The following PROX1 variants were observed in gnomAD, a reference collection of about 807,000 sequenced individuals.
PROX1 encodes the protein prospero homeobox 1.
A neutral mutation model predicts 58.8 loss-of-function variants in PROX1; 7 were observed. The ratio of observed to expected loss-of-function variants is 0.12; its 90% CI spans 0.07 to 0.22. The LOEUF is 0.22. Ranked by LOEUF, PROX1 falls within the 10% of genes least tolerant of loss-of-function variation. The pLI, the probability that PROX1 is intolerant of heterozygous loss-of-function variation, is 1.00. For missense variants in PROX1, 675 were observed against 927.8 expected (o/e 0.73, Z 3.54); for synonymous variants, 350 against 358.3 (o/e 0.98, Z 0.26).
chr1:213,983,272 G>T (rs1431819151), upstream of PROX1: 1 of 152,360 alleles, frequency 6.6e-6, no homozygotes, highest in East Asian at 1.9e-4. Flanking sequence ...GTCCCGAGTC[G>T]CAGTCAGGGA....
At chr1:214,034,100 T>C (rs1252600228) in intron 4 of PROX1, among the ~76,000 whole-genome samples, 1 of 152,188 alleles carries the variant, frequency 6.6e-6, no homozygotes, top group Non-Finnish European at 1.5e-5. Flanking sequence ...AGGAGTCCCT[T>C]TCATTTTTTT....
chr1:214,009,074 A>G (rs1383222618), intron 3 of PROX1, among the ~76,000 whole-genome samples: 1 of 152,220 alleles, frequency 6.6e-6, no homozygotes, highest in African/African-American at 2.4e-5. Context: ...AGACGCTCAC[A>G]GCTTTTCAAG....
At chr1:213,986,045 TC>T (rs1464729411), upstream of PROX1, 1 of 152,208 alleles carries the variant, frequency 6.6e-6, no homozygotes, top group Non-Finnish European at 1.5e-5. Flanking sequence ...ATCCCAAGTT[TC>T]CCCGCTCAAT....
At chr1:214,034,813 T>C (rs1427069984) in intron 4 of PROX1, among the ~76,000 whole-genome samples, 2 of 152,216 alleles carry the variant, frequency 1.3e-5, no homozygotes, top group African/African-American at 4.8e-5. Context: ...TTACCCTCTC[T>C]GAGCCTCAGT....
At chr1:213,984,699 C>G (rs1440055252), upstream of PROX1, 2 of 153,528 alleles carry the variant, frequency 1.3e-5, no homozygotes, top group African/African-American at 4.8e-5. Flanking sequence ...TTCCTCTCTT[C>G]CCTTCTTCAG....
chr1:214,029,004 A>T (rs1664554249), intron 4 of PROX1: 1 of 152,232 alleles, frequency 6.6e-6, no homozygotes, highest in Non-Finnish European at 1.5e-5. Flanking sequence ...TTACTAAAGC[A>T]TCTGAGTTTA....
chr1:214,037,639 A>T lies in PROX1; in HGVS notation c.*1805A>T, dbSNP rs1664871205. 1 of 152,066 alleles carries T rather than the reference A, an allele frequency of 6.6e-6. No individual in the cohort carries two copies. Among genetic ancestry groups the T allele is most frequent in the Admixed American group, 6.6e-5 (1 of 15,264 alleles). The allele number at this position is 152,066 out of a possible 1,614,324, so 9.4% of individuals were successfully genotyped here. Reference sequence around the variant, plus strand: ...ACTAACAGGGCCTCGCAGTGTAGACAGAGGGTGCAGCCACACGGGCGGGGG... The same window carrying T: ...ACTAACAGGGCCTCGCAGTGTAGACTGAGGGTGCAGCCACACGGGCGGGGG... On this transcript the variant is annotated 3_prime_UTR_variant, in exon 5 of 5. Transcript: ENST00000366958.
chr1:214,029,859 A>G (rs1177836485), intron 4 of PROX1: 1 of 152,444 alleles, frequency 6.6e-6, no homozygotes, highest in African/African-American at 2.4e-5. Flanking sequence ...TCGGAGTTGT[A>G]AAAGCCATCT....
At chr1:214,026,061 A>T (rs577778556) in intron 4 of PROX1, among the ~76,000 whole-genome samples, 5 of 152,286 alleles carry the variant, frequency 3.3e-5, no homozygotes, top group South Asian at 2.1e-4. Context: ...TGTTTTTAAG[A>T]TCTTAACAGT....
chr1:214,016,922 G>A (rs986617515), intron 4 of PROX1, among the ~76,000 whole-genome samples: 4 of 151,978 alleles, frequency 2.6e-5, no homozygotes, highest in African/African-American at 9.7e-5. Flanking sequence ...TTTGTCATTG[G>A]GTTACATTCA....
At chr1:214,019,384 A>C (rs1319309927) in intron 4 of PROX1, among the ~76,000 whole-genome samples, 1 of 152,146 alleles carries the variant, frequency 6.6e-6, no homozygotes, top group East Asian at 1.9e-4. Flanking sequence ...GAAGACAGGG[A>C]GTTTGACTCA....
In PROX1 at chr1:213,998,166, C is replaced by G; in HGVS notation, c.1631C>G (p.Pro544Arg). Residue 544 changes from proline (P) to arginine (R), a missense_variant, in exon 2 of 5, where the codon CCC (proline) becomes CGC (arginine). Coordinates refer to ENST00000366958, the MANE Select transcript of PROX1 (RefSeq NM_001270616.2). Reference sequence around the variant, plus strand: ...CACCCTTGTTCACCAGCACACCCGCCCAGCACCGCCGAAGGGCTCTCCTTG... The same window carrying G: ...CACCCTTGTTCACCAGCACACCCGCGCAGCACCGCCGAAGGGCTCTCCTTG... ...SHHPCSPAHP[P>R]STAEGLSLSL... 1 of 1,614,166 alleles carries G rather than the reference C, an allele frequency of 6.2e-7. No homozygotes were observed. The highest frequency in any genetic ancestry group is 8.5e-7 in the Non-Finnish European group (1 of 1,180,004).
rs1282932068 is a variant in PROX1, at chr1:213,997,137, G to T, written c.602G>T (p.Arg201Leu). The T allele has an allele frequency of 6.2e-7, 1 of 1,613,514 alleles. No individual in the cohort carries two copies. Among genetic ancestry groups the T allele is most frequent in the South Asian group, 1.1e-5 (1 of 91,066 alleles). Reference sequence around the variant, plus strand: ...ATGGCCCCGCAGTCTGTGAGTCCCCGAGAAAGTTACAGAGAAAACAAACGC... The same window carrying T: ...ATGGCCCCGCAGTCTGTGAGTCCCCTAGAAAGTTACAGAGAAAACAAACGC... ...REMAPQSVSP[R>L]ESYRENKRKQ... The change falls in exon 2 of 5, where the codon CGA (arginine) becomes CTA (leucine). Residue 201 changes from arginine (R) to leucine (L), a missense_variant. Arg to Leu is a moderately radical substitution (Grantham distance 102, BLOSUM62 -2). Coordinates refer to ENST00000366958, the MANE Select transcript of PROX1 (RefSeq NM_001270616.2). This position sits in a 1 kb window ranked among gnomAD's most constrained non-coding sequence, Gnocchi z 7.1.
In PROX1 at chr1:214,039,366, T is replaced by G. The variant is rs1664931259; in HGVS notation, c.*3532T>G. The G allele has an allele frequency of 6.6e-6, 1 of 152,174 alleles. No individual in the cohort carries two copies. The highest frequency in any genetic ancestry group is 2.4e-5 in the African/African-American group (1 of 41,440). The allele number at this position is 152,174 out of a possible 1,614,324, so 9.4% of individuals were successfully genotyped here. On this transcript the variant is annotated 3_prime_UTR_variant, in exon 5 of 5. Transcript: ENST00000366958. Reference sequence around the variant, plus strand: ...AAGTTTGCTTTGTGCCTCCGAGTATTATTTAATTAAAGAAGTGTTTTATGT... The same window carrying G: ...AAGTTTGCTTTGTGCCTCCGAGTATGATTTAATTAAAGAAGTGTTTTATGT...
At chr1:214,027,729 A>G (rs140220619) in intron 4 of PROX1, among the ~76,000 whole-genome samples, 1 of 152,292 alleles carries the variant, frequency 6.6e-6, no homozygotes, top group Non-Finnish European at 1.5e-5. Flanking sequence ...TCTATTTGAC[A>G]AAGTGGCACT....
upstream of PROX1, chr1:213,985,298 G>T (rs1485708488): frequency 6.6e-6 from 1 of 152,206 alleles, no homozygotes; most frequent in Non-Finnish European, 1.5e-5. Flanking sequence ...TAGGGGGCTC[G>T]GGCCTCAAGT....
At chr1:214,000,307 GTTCA>G (rs1663453795) in intron 2 of PROX1, among the ~76,000 whole-genome samples, 1 of 152,140 alleles carries the variant, frequency 6.6e-6, no homozygotes, top group Admixed American at 6.5e-5. Flanking sequence ...TGTTGGCTAT[GTTCA>G]TTGTCTCAAC....
chr1:214,040,942 G>A lies in PROX1; in HGVS notation c.*5108G>A, dbSNP rs1664990151. On this transcript the variant is annotated 3_prime_UTR_variant, in exon 5 of 5. Coordinates refer to ENST00000366958, the MANE Select transcript of PROX1 (RefSeq NM_001270616.2). ...TATGATAAACACAATGAGACTCCCT[G>A]TCCATATTAAAAAGAAAATAAAAAG... 1 of 151,538 alleles carries A rather than the reference G, an allele frequency of 6.6e-6. No individual in the cohort carries two copies. Among genetic ancestry groups the A allele is most frequent in the Non-Finnish European group, 1.5e-5 (1 of 67,928 alleles). 9.4% of individuals were successfully genotyped at this position (151,538 alleles called of 1,614,324 possible).
At chr1:214,013,676 G>A (rs1409766541) in intron 4 of PROX1, among the ~76,000 whole-genome samples, 1 of 152,144 alleles carries the variant, frequency 6.6e-6, no homozygotes, top group Non-Finnish European at 1.5e-5. Flanking sequence ...GGAGGTACCC[G>A]ACAAGCTGCT....
Sources: gnomAD v4.1 joint callset for allele counts (sites outside exome capture counted in the v4.1 genomes callset) on GRCh38, gnomAD v4.1.1 for gene constraint, Gnocchi (gnomAD v3.1) non-coding constraint, MANE v1.5 for transcripts, NCBI Gene and HGNC (gene_info 2026-07-23, HGNC 2026-07-21) for gene names.